The following GATAD1 variants were observed in gnomAD, a reference collection of about 807,000 sequenced individuals.
The protein encoded by GATAD1 is GATA zinc finger domain-containing protein 1.
A neutral mutation model predicts 26.5 loss-of-function variants in GATAD1; 12 were observed. The observed-to-expected ratio is 0.45, with a 90% confidence interval of 0.29 to 0.73. The LOEUF (loss-of-function observed/expected upper bound fraction) is 0.73. Ranked by LOEUF, GATAD1 falls within the 30% of genes least tolerant of loss-of-function variation. The pLI, the probability that GATAD1 is intolerant of heterozygous loss-of-function variation, is 0.10. For synonymous variants in GATAD1, 129 were observed against 133.1 expected (o/e 0.97, Z 0.21); for missense variants, 266 against 342.1 (o/e 0.78, Z 1.75).
At chr7:92,480,193 T>C in the GATAD1 span, among the ~76,000 whole-genome samples, 1 of 152,138 alleles carries the variant, frequency 6.6e-6, no homozygotes. Context: ...TTGGACTGTA[T>C]AGAGGTGGGA....
chr7:92,463,393 G>A (rs1041928780), downstream of GATAD1, among the ~76,000 whole-genome samples: 13 of 152,150 alleles, frequency 8.5e-5, no homozygotes, highest in African/African-American at 2.4e-4. Context: ...GCTCATGGCT[G>A]TAAATCCCAG....
At position 92,447,914 on chromosome 7, in the gene GATAD1, C is replaced by T. The variant is rs1562816344; in HGVS notation, c.185C>T (p.Ala62Val). Residue 62 changes from alanine to valine, a missense_variant, in exon 1 of 5, where the codon GCG becomes GTG. By Grantham distance (64) the Ala-to-Val change is moderately conservative. Coordinates refer to ENST00000287957, the MANE Select transcript of GATAD1 (RefSeq NM_021167.5). The part of the protein sequence containing the change: ...TGGSGGGGFG[A>V]ATFASTSATP... ...GGCAGCGGCGGCGGCGGCTTCGGCG[C>T]GGCGACCTTCGCCAGCACCTCCGCC... The T allele has an allele frequency of 8.0e-7, 1 of 1,251,286 alleles. No individual in the cohort carries two copies. The highest frequency in any genetic ancestry group is 4.3e-5 in the Admixed American group (1 of 23,374). The allele number at this position is 1,251,286 out of a possible 1,614,324, so 77.5% of individuals were successfully genotyped here. A position where few individuals can be genotyped will look rare whatever the true frequency, so the allele number is the denominator to read the frequency against.
At chr7:92,491,285 G>T in the GATAD1 span, 2 of 1,603,582 alleles carry the variant, frequency 1.2e-6, no homozygotes, top group Admixed American at 3.3e-5. Flanking sequence ...ATCAGAAGAG[G>T]TTCCATTTCC....
chr7:92,454,738 A>G (rs753097147), intron 4 of GATAD1, 53 bp downstream of exon 4: 170 of 1,248,288 alleles, frequency 1.4e-4, no homozygotes, highest in Middle Eastern at 1.9e-4. Context: ...ACTCTCCAAT[A>G]TTATGTAAAA....
At chr7:92,460,562 A>G (rs1460887013), downstream of GATAD1, among the ~76,000 whole-genome samples, 1 of 152,198 alleles carries the variant, frequency 6.6e-6, no homozygotes, top group African/African-American at 2.4e-5. Flanking sequence ...AAAGGTTCAC[A>G]ATAAATAAGA....
At chr7:92,467,137 A>G in the GATAD1 span, among the ~76,000 whole-genome samples, 15 of 152,186 alleles carry the variant, frequency 9.9e-5, no homozygotes, top group East Asian at 3.9e-4. Context: ...GGCCAACATG[A>G]TGAAACCCAT....
At chr7:92,493,070 A>T in the GATAD1 span, 1 of 1,613,030 alleles carries the variant, frequency 6.2e-7, no homozygotes, top group Non-Finnish European at 8.5e-7. Context: ...GCTGAAGGTC[A>T]ACATCATCTG....
At position 92,458,550 on chromosome 7, in the gene GATAD1, G is replaced by T; in HGVS notation, c.*1988G>T. ...ACACGTAAAATGGGAGAGGAGTGGG[G>T]TGTACTCACTTGCCTCCTCTTTTGT... On this transcript the variant is annotated 3_prime_UTR_variant, in exon 5 of 5. Transcript: ENST00000287957. 1 of 152,184 alleles carries T rather than the reference G, an allele frequency of 6.6e-6. No individual in the cohort carries two copies. The highest frequency in any genetic ancestry group is 1.5e-5 in the Non-Finnish European group (1 of 68,038). The allele number at this position is 152,184 out of a possible 1,614,324, so 9.4% of individuals were successfully genotyped here.
At chr7:92,487,478 T>A in the GATAD1 span, 2 of 1,590,560 alleles carry the variant, frequency 1.3e-6, no homozygotes, top group African/African-American at 2.7e-5. Flanking sequence ...TTACTTTCTG[T>A]CCAGGTCGAA....
At chr7:92,477,048 G>T in the GATAD1 span, among the ~76,000 whole-genome samples, 7 of 152,170 alleles carry the variant, frequency 4.6e-5, no homozygotes, top group Middle Eastern at 3.2e-3. Flanking sequence ...AAAGATAGGG[G>T]TGCATGCATG....
the GATAD1 span, chr7:92,489,423 CCTT>C: frequency 6.2e-7 from 1 of 1,612,184 alleles, no homozygotes; most frequent in East Asian, 2.2e-5. Context: ...GATTCGTCCT[CCTT>C]AAGTAAAAAA....
the GATAD1 span, among the ~76,000 whole-genome samples, chr7:92,486,657 A>G: frequency 6.6e-6 from 1 of 152,078 alleles, no homozygotes; most frequent in African/African-American, 2.4e-5. Flanking sequence ...GCATACCATC[A>G]TGCATGGCTA....
chr7:92,450,452 A>C, intron 2 of GATAD1: 1 of 490,072 alleles, frequency 2.0e-6, no homozygotes, highest in Non-Finnish European at 3.6e-6. Flanking sequence ...TTTGCATTAG[A>C]TCTCAGCAGC....
the GATAD1 span, among the ~76,000 whole-genome samples, chr7:92,486,718 A>G: frequency 1.3e-5 from 2 of 152,070 alleles, no homozygotes; most frequent in African/African-American, 4.8e-5. Context: ...GCTTACTTGT[A>G]TATTTTAATT....
In GATAD1 at chr7:92,456,485, G is replaced by C; in HGVS notation, c.733G>C (p.Glu245Gln). Residue 245 changes from glutamate (E) to glutamine (Q), a missense_variant, in exon 5 of 5, where the codon GAG (glutamate) becomes CAG (glutamine). By Grantham distance (29) the Glu-to-Gln change is conservative (BLOSUM62 2). Transcript: ENST00000287957. ...ATTTCCCACAGTTCCCACCAGACCA[G>C]AGAAGGGCTACATATGGACTCATGT... ...SPFPTVPTRP[E>Q]KGYIWTHVGP... The C allele has an allele frequency of 6.2e-7, 1 of 1,612,982 alleles. No individual in the cohort carries two copies. Among genetic ancestry groups the C allele is most frequent in the Non-Finnish European group, 8.5e-7 (1 of 1,178,948 alleles).
chr7:92,460,929 GCACA>G (rs367896680), downstream of GATAD1, among the ~76,000 whole-genome samples: 3 of 150,630 alleles, frequency 2.0e-5, no homozygotes, highest in South Asian at 4.2e-4. Context: ...TTTACAATAA[GCACA>G]CACACACACA....
chr7:92,494,410 G>A, the GATAD1 span: 2 of 1,611,850 alleles, frequency 1.2e-6, no homozygotes, highest in African/African-American at 2.7e-5. Flanking sequence ...GAGGAAAAAA[G>A]AACATTTTTT....
the GATAD1 span, among the ~76,000 whole-genome samples, chr7:92,474,257 C>T: frequency 6.6e-6 from 1 of 152,176 alleles, no homozygotes; most frequent in Non-Finnish European, 1.5e-5. Context: ...GGGCCTACGG[C>T]AGACTTTTGA....
chr7:92,468,915 G>A, the GATAD1 span: 5 of 764,102 alleles, frequency 6.5e-6, no homozygotes, highest in East Asian at 9.7e-5. Context: ...ACTGCATCTT[G>A]GGCTCCATTT....
Sources: gnomAD v4.1 joint callset for allele counts (sites outside exome capture counted in the v4.1 genomes callset) on GRCh38, gnomAD v4.1.1 for gene constraint, MANE v1.5 for transcripts, NCBI Gene and HGNC (gene_info 2026-07-23, HGNC 2026-07-21) for gene names.